Variants in DRD3 observed in about 807,000 individuals in gnomAD.
DRD3 encodes the protein dopamine receptor D3.
Under a neutral mutation model 36.3 loss-of-function variants are expected in DRD3, and 19 were observed. The ratio of observed to expected loss-of-function variants is 0.52; its 90% confidence interval spans 0.36 to 0.77. The LOEUF is 0.77. Ranked by LOEUF, DRD3 falls within the 30% of genes least tolerant of loss-of-function variation. The probability of loss-of-function intolerance (pLI) is 0.00; values close to 1 mark genes in which losing one functional copy is unlikely to be tolerated. For missense variants in DRD3, 465 were observed against 505.3 expected, an observed-to-expected ratio of 0.92 and a Z score of 0.77; for synonymous variants, 195 against 203.7, an observed-to-expected ratio of 0.96 and a Z score of 0.36.
At chr3:114,129,945 C>T (rs1441564253) in intron 6 of DRD3, among the ~76,000 whole-genome samples, 1 of 152,024 alleles carries the variant, frequency 6.6e-6, no homozygotes, top group Non-Finnish European at 1.5e-5. Context: ...GTAATCTCAG[C>T]TACTTGGGAG....
chr3:114,188,454 C>T (rs1017201535), intron 1 of DRD3, among the ~76,000 whole-genome samples: 5 of 152,096 alleles, frequency 3.3e-5, no homozygotes, highest in Non-Finnish European at 7.4e-5. Context: ...TCAAGTAATC[C>T]GCCCGCCTGG....
chr3:114,194,104 T>C (rs1048839515), intron 1 of DRD3, among the ~76,000 whole-genome samples: 6 of 152,250 alleles, frequency 3.9e-5, no homozygotes, highest in African/African-American at 1.4e-4. Context: ...TCTAGGACTA[T>C]GATGGCATAT....
intron 3 of DRD3, among the ~76,000 whole-genome samples, chr3:114,150,979 TG>T (rs1203076181): frequency 6.6e-6 from 1 of 152,158 alleles, no homozygotes; most frequent in Non-Finnish European, 1.5e-5. Context: ...ATGACAAAGG[TG>T]GCTTCTTTCT....
chr3:114,155,314 A>G (rs1011935963), intron 3 of DRD3, among the ~76,000 whole-genome samples: 1 of 151,974 alleles, frequency 6.6e-6, no homozygotes, highest in African/African-American at 2.4e-5. Flanking sequence ...AGGGGGCTCC[A>G]TTTTGAGGCT....
chr3:114,144,479 C>T (rs2077553866), intron 4 of DRD3, among the ~76,000 whole-genome samples: 1 of 152,096 alleles, frequency 6.6e-6, no homozygotes. Context: ...AGAATTGCTG[C>T]AGGAACCCAC....
At chr3:114,170,047 A>C (rs1426140768) in intron 2 of DRD3, among the ~76,000 whole-genome samples, 1 of 152,190 alleles carries the variant, frequency 6.6e-6, no homozygotes, top group Non-Finnish European at 1.5e-5. Context: ...ATGGACAAAA[A>C]CATTTTAGGA....
At chr3:114,185,838 G>T (rs2077972239) in intron 1 of DRD3, among the ~76,000 whole-genome samples, 1 of 152,026 alleles carries the variant, frequency 6.6e-6, no homozygotes, top group Non-Finnish European at 1.5e-5. Flanking sequence ...CCTGGAAAAT[G>T]TTATTTTATT....
intron 1 of DRD3, among the ~76,000 whole-genome samples, chr3:114,186,417 G>A (rs192210890): frequency 4.3e-4 from 65 of 152,300 alleles, no homozygotes; most frequent in South Asian, 1.0e-3. Flanking sequence ...ATGAGCCACT[G>A]CACCTGGCTC....
At chr3:114,159,176 A>G (rs1260539170) in intron 3 of DRD3, among the ~76,000 whole-genome samples, 1 of 152,140 alleles carries the variant, frequency 6.6e-6, no homozygotes, top group Non-Finnish European at 1.5e-5. Flanking sequence ...CCAGCAACCA[A>G]AATGTAATTT....
chr3:114,159,385 CA>C (rs1259707364), intron 3 of DRD3, among the ~76,000 whole-genome samples: 1 of 151,636 alleles, frequency 6.6e-6, no homozygotes, highest in African/African-American at 2.4e-5. Flanking sequence ...ACAAACAAAA[CA>C]ACAACAGAAT....
At chr3:114,193,945 C>T (rs2078024401) in intron 1 of DRD3, among the ~76,000 whole-genome samples, 1 of 151,992 alleles carries the variant, frequency 6.6e-6, no homozygotes, top group Admixed American at 6.6e-5. Flanking sequence ...TTCCTTATTC[C>T]TTTGTCATTA....
intron 3 of DRD3, 152 bp downstream of exon 3, chr3:114,159,603 T>A: frequency 2.5e-5 from 15 of 595,660 alleles, no homozygotes; most frequent in East Asian, 6.2e-5. Flanking sequence ...TCTTCTCACC[T>A]GCAAACCATA....
chr3:114,173,895 A>G (rs1295712795), intron 1 of DRD3, among the ~76,000 whole-genome samples: 1 of 152,170 alleles, frequency 6.6e-6, no homozygotes, highest in Non-Finnish European at 1.5e-5. Flanking sequence ...CCCTCAAGCC[A>G]GGTATCTGTA....
intron 1 of DRD3, among the ~76,000 whole-genome samples, chr3:114,178,266 G>T (rs555009826): frequency 3.6e-4 from 55 of 152,276 alleles, no homozygotes; most frequent in African/African-American, 1.3e-3. Context: ...GCTCTGAATT[G>T]CCAGGGTGCT....
chr3:114,198,227 GTT>G (rs200062922), intron 1 of DRD3, among the ~76,000 whole-genome samples: 4 of 146,096 alleles, frequency 2.7e-5, no homozygotes, highest in Non-Finnish European at 3.0e-5. Flanking sequence ...TAATTTCTGT[GTT>G]TTTTTTTTTC....
At chr3:114,182,717 T>C (rs1203703614), upstream of DRD3, among the ~76,000 whole-genome samples, 3 of 152,186 alleles carry the variant, frequency 2.0e-5, no homozygotes, top group Non-Finnish European at 2.9e-5. Context: ...GTTTAAGCGA[T>C]TCTCTAAGTA....
At chr3:114,181,284 C>G (rs2077946346), upstream of DRD3, among the ~76,000 whole-genome samples, 1 of 152,214 alleles carries the variant, frequency 6.6e-6, no homozygotes, top group Admixed American at 6.5e-5. Context: ...CAACTCTGTT[C>G]TGACTTAGCT....
intron 5 of DRD3, among the ~76,000 whole-genome samples, chr3:114,133,269 G>T (rs544235006): frequency 6.6e-6 from 1 of 152,166 alleles, no homozygotes; most frequent in African/African-American, 2.4e-5. Flanking sequence ...GATTACAGGC[G>T]TGAGCCACCG....
At chr3:114,131,757 GAAT>G (rs539899889) in intron 5 of DRD3, among the ~76,000 whole-genome samples, 2 of 152,300 alleles carry the variant, frequency 1.3e-5, no homozygotes, top group South Asian at 4.1e-4. Flanking sequence ...CAAAGGATAT[GAAT>G]AGACACTTCT....
Sources: gnomAD v4.1 joint callset for allele counts (sites outside exome capture counted in the v4.1 genomes callset) on GRCh38, gnomAD v4.1.1 for gene constraint, MANE v1.5 for transcripts, NCBI Gene and HGNC (gene_info 2026-07-23, HGNC 2026-07-21) for gene names.